TWSG1: variants seen among roughly 807,000 people sequenced by gnomAD.
The protein encoded by TWSG1 is twisted gastrulation protein homolog 1.
TWSG1 carries 15 observed loss-of-function variants against 23.0 expected under a neutral mutation model. That is an observed-to-expected ratio of 0.65 (90% confidence interval 0.44 to 1.00). TWSG1 has a LOEUF of 1.00. Ranked by LOEUF, TWSG1 falls within the 50% of genes least tolerant of loss-of-function variation. TWSG1 has a pLI of 0.00. For missense variants in TWSG1, 242 were observed against 278.7 expected, an observed-to-expected ratio of 0.87 and a Z score of 0.94; for synonymous variants, 86 against 92.8, an observed-to-expected ratio of 0.93 and a Z score of 0.42.
chr18:9,388,862 C>A (rs986779127), intron 3 of TWSG1, among the ~76,000 whole-genome samples: 2 of 151,528 alleles, frequency 1.3e-5, no homozygotes, highest in African/African-American at 4.9e-5. Flanking sequence ...GCTGAAATTT[C>A]TTTAAAGTCT....
At chr18:9,337,130 A>C in intron 1 of TWSG1, 63 bp from the exon 2 acceptor site, 1 of 1,392,900 alleles carries the variant, frequency 7.2e-7, no homozygotes, top group Non-Finnish European at 9.9e-7. Context: ...TTTGTTTCTC[A>C]TTTTTATATT....
At chr18:9,364,179 A>G (rs1215539714) in intron 3 of TWSG1, among the ~76,000 whole-genome samples, 1 of 152,192 alleles carries the variant, frequency 6.6e-6, no homozygotes, top group Non-Finnish European at 1.5e-5. Flanking sequence ...TCTTCAAAAT[A>G]AACCACATTC....
intron 2 of TWSG1, among the ~76,000 whole-genome samples, chr18:9,352,407 T>A (rs2040506218): frequency 6.6e-6 from 1 of 152,186 alleles, no homozygotes; most frequent in Admixed American, 6.5e-5. Flanking sequence ...TGGGTCTTTT[T>A]ATGGACCTAT....
chr18:9,359,856 T>C, intron 2 of TWSG1, 116 bp from the exon 3 acceptor site: 1 of 645,660 alleles, frequency 1.5e-6, no homozygotes, highest in Non-Finnish European at 2.6e-6. Flanking sequence ...GAATAAAAAA[T>C]TATGTGAAGA....
At chr18:9,342,801 T>C (rs1462648732) in intron 2 of TWSG1, among the ~76,000 whole-genome samples, 1 of 152,186 alleles carries the variant, frequency 6.6e-6, no homozygotes, top group Non-Finnish European at 1.5e-5. Flanking sequence ...TGTCCCAACA[T>C]GCCCTCAAGT....
intron 3 of TWSG1, among the ~76,000 whole-genome samples, chr18:9,394,848 TC>T (rs2040727747): frequency 6.6e-6 from 1 of 152,242 alleles, no homozygotes; most frequent in African/African-American, 2.4e-5. Flanking sequence ...ACAAACAATG[TC>T]CCATTACCAC....
intron 4 of TWSG1, 135 bp downstream of exon 4, chr18:9,396,681 G>C: frequency 8.9e-7 from 1 of 1,117,928 alleles, no homozygotes; most frequent in Non-Finnish European, 1.2e-6. Context: ...ATAAATTCTA[G>C]ACTCAATAAC....
chr18:9,371,350 G>A (rs1242590359), intron 3 of TWSG1, among the ~76,000 whole-genome samples: 1 of 149,568 alleles, frequency 6.7e-6, no homozygotes, highest in Non-Finnish European at 1.5e-5. Flanking sequence ...AGGCTGGAGT[G>A]CAATGGTGTG....
chr18:9,360,715 T>G (rs1189411642), intron 3 of TWSG1, among the ~76,000 whole-genome samples: 1 of 152,198 alleles, frequency 6.6e-6, no homozygotes, highest in Admixed American at 6.5e-5. Flanking sequence ...AACAGGAATA[T>G]CATCATATTG....
chr18:9,367,422 A>G (rs1274118372), intron 3 of TWSG1, among the ~76,000 whole-genome samples: 3 of 152,136 alleles, frequency 2.0e-5, no homozygotes, highest in Non-Finnish European at 4.4e-5. Context: ...TTCCACATAT[A>G]AGTGAAATCA....
chr18:9,394,612 T>C (rs112501603), intron 3 of TWSG1, among the ~76,000 whole-genome samples: 8 of 152,332 alleles, frequency 5.3e-5, no homozygotes, highest in African/African-American at 1.9e-4. Flanking sequence ...ATGATGGATG[T>C]GTTAATTACC....
rs184891688 is a variant in TWSG1, at chr18:9,400,986, C to G, written c.*1459C>G. 578 of 152,182 alleles carry G rather than the reference C, an allele frequency of 3.8e-3. 4 individuals are homozygous for G. Among genetic ancestry groups the G allele is most frequent in the African/African-American group, 0.012 (509 of 41,508 alleles). 9.4% of individuals were successfully genotyped at this position (152,182 alleles called of 1,614,324 possible). On this transcript the variant is annotated 3_prime_UTR_variant, in exon 5 of 5. Transcript: ENST00000262120. ...TTAGTATATAAAAATAGATAATGCT[C>G]TTGGACACATTTTGTATTATTCATG...
At chr18:9,337,620 T>G (rs766947848) in intron 2 of TWSG1, among the ~76,000 whole-genome samples, 37 of 152,226 alleles carry the variant, frequency 2.4e-4, no homozygotes, top group Non-Finnish European at 4.6e-4. Flanking sequence ...AGCACTCTAT[T>G]CAGATGATTT....
chr18:9,358,311 C>T (rs765132098), intron 2 of TWSG1, among the ~76,000 whole-genome samples: 15 of 152,150 alleles, frequency 9.9e-5, no homozygotes, highest in African/African-American at 1.9e-4. Context: ...CTGTATGATC[C>T]CCTAGTTCAA....
intron 2 of TWSG1, among the ~76,000 whole-genome samples, chr18:9,346,774 A>T (rs1414740590): frequency 6.6e-6 from 1 of 152,224 alleles, no homozygotes; most frequent in Non-Finnish European, 1.5e-5. Flanking sequence ...ATAAAATAAC[A>T]TAAAGCTGCT....
At chr18:9,339,220 T>C (rs980690518) in intron 2 of TWSG1, among the ~76,000 whole-genome samples, 2 of 151,192 alleles carry the variant, frequency 1.3e-5, no homozygotes, top group African/African-American at 4.9e-5. Context: ...AAAAAAAAAT[T>C]GTACTTTATT....
At chr18:9,341,266 G>T (rs1490883001) in intron 2 of TWSG1, among the ~76,000 whole-genome samples, 1 of 152,152 alleles carries the variant, frequency 6.6e-6, no homozygotes, top group Non-Finnish European at 1.5e-5. Flanking sequence ...AAAGTGAATT[G>T]GCTGGCTAGG....
At chr18:9,347,306 G>T (rs1260554084) in intron 2 of TWSG1, among the ~76,000 whole-genome samples, 1 of 152,252 alleles carries the variant, frequency 6.6e-6, no homozygotes, top group South Asian at 2.1e-4. Context: ...TTTTTGCAGA[G>T]CAGAAGTTTA....
At chr18:9,336,146 C>T (rs747690702) in intron 1 of TWSG1, among the ~76,000 whole-genome samples, 1 of 152,112 alleles carries the variant, frequency 6.6e-6, no homozygotes, top group Non-Finnish European at 1.5e-5. Context: ...TAATCCCACA[C>T]TTTGGGAGGC....
Sources: allele counts gnomAD v4.1 joint callset (sites outside exome capture counted in the v4.1 genomes callset), GRCh38; gene constraint gnomAD v4.1.1; transcripts MANE v1.5; gene names NCBI Gene and HGNC (gene_info 2026-07-23, HGNC 2026-07-21).